The following LRRIQ3 variants were observed in gnomAD, a reference collection of about 807,000 sequenced individuals.
The protein encoded by LRRIQ3 is leucine rich repeats and IQ motif containing 3.
A neutral mutation model predicts 59.3 loss-of-function variants in LRRIQ3; 75 were observed. The ratio of observed to expected loss-of-function variants is 1.26; its 90% CI spans 1.05 to 1.53. The LOEUF (loss-of-function observed/expected upper bound fraction) is 1.53. LRRIQ3 is among the 40% of genes most tolerant of loss of function. LRRIQ3 has a pLI of 0.00. For missense variants in LRRIQ3, 831 were observed against 710.0 expected (o/e 1.17, Z -1.94); for synonymous variants, 250 against 231.3 (o/e 1.08, Z -0.73).
In LRRIQ3 at chr1:74,182,549, C is replaced by T; in HGVS notation, c.562G>A (p.Ala188Thr). 1 of 1,548,350 alleles carries T rather than the reference C, an allele frequency of 6.5e-7. No individual in the cohort carries two copies. The highest frequency in any genetic ancestry group is 8.7e-7 in the Non-Finnish European group (1 of 1,149,164). Residue 188 changes from alanine to threonine, a missense_variant, in exon 3 of 8, where the codon GCT (alanine) becomes ACT (threonine). Physicochemically the swap from Ala to Thr is moderately conservative, Grantham distance 58. Transcript: ENST00000354431. ...AAGAAGCCAATTACCTTTCTCAAAGCTGGGCAGAAATTAAAGAAAAGTCGA... is the reference window on the plus strand; with the variant it reads ...AAGAAGCCAATTACCTTTCTCAAAGTTGGGCAGAAATTAAAGAAAAGTCGA... ...NHRLFFNFCPALRKGTTYEEE... is the reference protein window; with the variant it reads ...NHRLFFNFCPTLRKGTTYEEE...
Position 74,155,779 on chromosome 1 carries a change from T to A in LRRIQ3, c.661A>T (p.Ile221Phe). The change falls in exon 4 of 8, where the codon ATT (isoleucine) becomes TTT (phenylalanine). Residue 221 changes from isoleucine (I) to phenylalanine (F), a missense_variant. Transcript: ENST00000354431. ...AAACCACGTATCCATCTTTGAACAATCAAAACTGGTGAATTATGAGCCAGA... is the reference window on the plus strand; with the variant it reads ...AAACCACGTATCCATCTTTGAACAAACAAAACTGGTGAATTATGAGCCAGA... ...AILAHNSPVL[I>F]VQRWIRGFLV... 1 of 1,584,248 alleles carries A rather than the reference T, an allele frequency of 6.3e-7. No individual in the cohort carries two copies. Among genetic ancestry groups the A allele is most frequent in the South Asian group, 1.2e-5 (1 of 83,268 alleles).
Position 74,074,660 on chromosome 1 carries a change from C to T in LRRIQ3, c.997+1G>A. 1 of 1,314,440 alleles carries T rather than the reference C, an allele frequency of 7.6e-7. No homozygotes were observed. 81.4% of individuals were successfully genotyped at this position (1,314,440 alleles called of 1,614,324 possible). ...TATAATTAAAAATTCATATAACTAA[C>T]CTTTTTGAATGAGATGTCTTGATGT... On this transcript the variant is annotated splice_donor_variant, in intron 6 of 7. Transcript: ENST00000354431. LOFTEE classifies it high-confidence loss of function.
intron 5 of LRRIQ3, among the ~76,000 whole-genome samples, chr1:74,098,079 C>T (rs1045322822): frequency 6.6e-6 from 1 of 152,016 alleles, no homozygotes; most frequent in Non-Finnish European, 1.5e-5. Context: ...TGTAAATGGG[C>T]TAAATGCCCC....
intron 3 of LRRIQ3, among the ~76,000 whole-genome samples, chr1:74,173,067 C>T (rs369106622): frequency 1.6e-4 from 25 of 151,930 alleles, no homozygotes; most frequent in African/African-American, 5.3e-4. Context: ...TTTGGGAGGC[C>T]GAGGCAGGTG....
At chr1:74,192,498 T>C (rs563315776) in intron 1 of LRRIQ3, among the ~76,000 whole-genome samples, 51 of 152,252 alleles carry the variant, frequency 3.3e-4, no homozygotes, top group African/African-American at 1.2e-3. Flanking sequence ...TTGTTTCATA[T>C]GTATTCAATA....
chr1:74,180,247 T>C (rs899894953), intron 3 of LRRIQ3: 1 of 152,094 alleles, frequency 6.6e-6, no homozygotes, highest in Admixed American at 6.6e-5. Flanking sequence ...AGATCAATTA[T>C]CCTTTATCTT....
chr1:74,112,009 T>G lies in LRRIQ3; in HGVS notation c.708-2456A>C, dbSNP rs1489280888. ...TGATAGGCAGAAGCTCTAATCAAGG[T>G]GCAACGGGGAGAGAATACTGGAGCC... On this transcript the variant is annotated intron_variant, in intron 4 of 7. Transcript: ENST00000354431. Among the ~76,000 whole-genome samples, 4 of 152,096 alleles carry G rather than the reference T, an allele frequency of 2.6e-5. No homozygotes were observed. In the East Asian group the frequency reaches 5.8e-4, roughly 22 times the overall value.
At position 74,182,951 on chromosome 1, in the gene LRRIQ3, A is replaced by G. The variant is rs558453639; in HGVS notation, c.250-90T>C. ...TAAAATATTACACATATAAAATTCAATATTCCCCAAATAGCAAGTTTCTAA... is the reference window on the plus strand; with the variant it reads ...TAAAATATTACACATATAAAATTCAGTATTCCCCAAATAGCAAGTTTCTAA... On this transcript the variant is annotated intron_variant, in intron 2 of 7. Transcript: ENST00000354431. The G allele has an allele frequency of 3.8e-4, 250 of 656,534 alleles. 3 individuals are homozygous for G. In the South Asian group the frequency reaches 6.6e-3, roughly 17 times the overall value. The allele number at this position is 656,534 out of a possible 1,614,324, so 40.7% of individuals were successfully genotyped here. A position where few individuals can be genotyped will look rare whatever the true frequency, so the allele number is the denominator to read the frequency against.
chr1:74,057,831 G>A (rs7532860), intron 6 of LRRIQ3, among the ~76,000 whole-genome samples: 4,388 of 152,096 alleles, frequency 0.029, 203 homozygotes, highest in African/African-American at 0.1. Context: ...CATGTGATAA[G>A]GGGTTAATAT....
At chr1:74,061,847 T>A (rs1654730273) in intron 6 of LRRIQ3, among the ~76,000 whole-genome samples, 1 of 152,062 alleles carries the variant, frequency 6.6e-6, no homozygotes, top group Non-Finnish European at 1.5e-5. Context: ...CTAGGCTGCA[T>A]AACTTAGTGA....
intron 3 of LRRIQ3, among the ~76,000 whole-genome samples, chr1:74,157,754 T>C (rs1648424499): frequency 6.6e-6 from 1 of 152,140 alleles, no homozygotes; most frequent in African/African-American, 2.4e-5. Flanking sequence ...ATCACTTCAT[T>C]GTTACATTGA....
chr1:74,186,864 T>C (rs1312840385), intron 1 of LRRIQ3, among the ~76,000 whole-genome samples: 1 of 152,190 alleles, frequency 6.6e-6, no homozygotes, highest in Non-Finnish European at 1.5e-5. Flanking sequence ...ATTTGAGATC[T>C]TTTTGATGTT....
chr1:74,079,301 T>C (rs1375700234), intron 5 of LRRIQ3, among the ~76,000 whole-genome samples: 3 of 151,748 alleles, frequency 2.0e-5, no homozygotes, highest in Middle Eastern at 3.2e-3. Context: ...AGTCCTGCTA[T>C]ACTAGATTTA....
intron 5 of LRRIQ3, among the ~76,000 whole-genome samples, chr1:74,094,294 G>T (rs1332744559): frequency 1.3e-5 from 2 of 152,042 alleles, no homozygotes; most frequent in South Asian, 2.1e-4. Flanking sequence ...TAGGCAAAAA[G>T]ATATTTGCAG....
At chr1:74,156,693 A>C (rs1267181048) in intron 3 of LRRIQ3, among the ~76,000 whole-genome samples, 1 of 152,142 alleles carries the variant, frequency 6.6e-6, no homozygotes, top group Non-Finnish European at 1.5e-5. Context: ...AGTAGTTAAA[A>C]ATTTTGTTGT....
chr1:74,030,464 A>G (rs1653669040), intron 7 of LRRIQ3, among the ~76,000 whole-genome samples: 2 of 152,142 alleles, frequency 1.3e-5, no homozygotes, highest in Admixed American at 1.3e-4. Flanking sequence ...CCACACATCT[A>G]CAACTATCTG....
At chr1:74,148,371 G>A (rs936182270) in intron 4 of LRRIQ3, among the ~76,000 whole-genome samples, 19 of 152,120 alleles carry the variant, frequency 1.2e-4, no homozygotes, top group African/African-American at 3.9e-4. Context: ...TGCTGGTAGA[G>A]GCTGTAGCAA....
rs572506994 is a variant in LRRIQ3, at chr1:74,112,193, T to C, written c.708-2640A>G. ...GCCTCCTCCTTCTGATCTAGGACAG[T>C]GGCACAGTGATTTTGCCTAAGGATA... On this transcript the variant is annotated intron_variant, in intron 4 of 7. Coordinates refer to ENST00000354431, the MANE Select transcript of LRRIQ3 (RefSeq NM_001105659.2). 2.0e-5 allele frequency among the ~76,000 whole-genome samples: 3 copies of C among 152,248 alleles called. No individual in the cohort carries two copies. The South Asian group carries it at 6.2e-4, about 32-fold the overall frequency.
intron 6 of LRRIQ3, among the ~76,000 whole-genome samples, chr1:74,061,175 A>G (rs1177800867): frequency 1.3e-5 from 2 of 152,176 alleles, no homozygotes; most frequent in Non-Finnish European, 1.5e-5. Context: ...GTCCAATTCC[A>G]TTCACAATAG....
Sources: gnomAD v4.1 joint callset for allele counts (sites outside exome capture counted in the v4.1 genomes callset) on GRCh38, gnomAD v4.1.1 for gene constraint, MANE v1.5 for transcripts, NCBI Gene and HGNC (gene_info 2026-07-23, HGNC 2026-07-21) for gene names.